The following MCCC2 variants were observed in gnomAD, a reference collection of about 807,000 sequenced individuals.
MCCC2 encodes the protein methylcrotonyl-CoA carboxylase subunit 2.
Under a neutral mutation model 77.2 loss-of-function variants are expected in MCCC2, and 52 were observed. The observed-to-expected ratio is 0.67, with a 90% CI of 0.54 to 0.85. The LOEUF (loss-of-function observed/expected upper bound fraction) is 0.85. Ranked by LOEUF, MCCC2 falls within the 40% of genes least tolerant of loss-of-function variation. The pLI, the probability that MCCC2 is intolerant of heterozygous loss-of-function variation, is 0.00. For missense variants in MCCC2, 682 were observed against 703.2 expected (o/e 0.97, Z 0.34); for synonymous variants, 253 against 248.4 (o/e 1.02, Z -0.18).
intron 1 of MCCC2, among the ~76,000 whole-genome samples, chr5:71,590,723 A>G (rs1561815616): frequency 6.6e-6 from 1 of 152,000 alleles, no homozygotes; most frequent in Admixed American, 6.6e-5. Context: ...AGTGTGAGGC[A>G]GGAGAGTCGC....
chr5:71,606,505 A>G (rs1270409658), intron 6 of MCCC2, among the ~76,000 whole-genome samples: 3 of 142,736 alleles, frequency 2.1e-5, no homozygotes, highest in Admixed American at 7.2e-5. Context: ...TAGATATACA[A>G]TCATGTCGTC....
intron 8 of MCCC2, among the ~76,000 whole-genome samples, chr5:71,633,131 A>ATATATATTTTTTTTTT (rs1554137344): frequency 1.3e-5 from 1 of 78,096 alleles, no homozygotes; most frequent in Non-Finnish European, 2.4e-5. Flanking sequence ...ATATATATAT[A>ATATATATTTTTTTTTT]TTTTTATTTT....
intron 10 of MCCC2, 32 bp from the exon 11 acceptor site, chr5:71,640,971 T>C: frequency 6.3e-7 from 1 of 1,589,132 alleles, no homozygotes; most frequent in East Asian, 2.2e-5. Context: ...TGCAATATAA[T>C]TTCTCAAGGC....
At chr5:71,600,431 A>G (rs544429735) in intron 4 of MCCC2, among the ~76,000 whole-genome samples, 1 of 146,266 alleles carries the variant, frequency 6.8e-6, no homozygotes, top group Admixed American at 6.8e-5. Flanking sequence ...CATCATTATA[A>G]TTTTTTTTTT....
At chr5:71,605,445 T>C (rs1745632483) in intron 6 of MCCC2, among the ~76,000 whole-genome samples, 1 of 152,154 alleles carries the variant, frequency 6.6e-6, no homozygotes, top group Non-Finnish European at 1.5e-5. Context: ...TTTTTTCTTG[T>C]AAATTTGAGT....
chr5:71,641,098 A>C, intron 11 of MCCC2, 23 bp downstream of exon 11: 1 of 1,597,456 alleles, frequency 6.3e-7, no homozygotes, highest in Non-Finnish European at 8.6e-7. Context: ...AGAATTGAAA[A>C]TACGAACATT....
chr5:71,591,197 T>G (rs1320443454), intron 1 of MCCC2, among the ~76,000 whole-genome samples: 1 of 152,178 alleles, frequency 6.6e-6, no homozygotes, highest in Non-Finnish European at 1.5e-5. Context: ...CAGAAGGAAC[T>G]AAATAACTAG....
chr5:71,618,853 C>G (rs142340165), intron 6 of MCCC2, among the ~76,000 whole-genome samples: 27 of 152,242 alleles, frequency 1.8e-4, no homozygotes, highest in Admixed American at 1.3e-3. Context: ...TCTCACATTA[C>G]TTTTGATTTT....
chr5:71,640,696 C>T (rs980552427), intron 10 of MCCC2, among the ~76,000 whole-genome samples: 8 of 152,164 alleles, frequency 5.3e-5, no homozygotes, highest in South Asian at 2.1e-4. Context: ...CATCCCTGAA[C>T]CTCTGCCGGT....
At position 71,658,207 on chromosome 5, in the gene MCCC2, C is replaced by G. The variant is rs149415279; in HGVS notation, c.*1347C>G. The G allele has an allele frequency of 6.6e-6, 1 of 152,132 alleles. No homozygotes were observed. 9.4% of individuals were successfully genotyped at this position (152,132 alleles called of 1,614,324 possible). A position where few individuals can be genotyped will look rare whatever the true frequency, so the allele number is the denominator to read the frequency against. ...TTATCTCTTTGACTCCTCTTTACAC[C>G]GGAGAACGGCTCCAGCTGTTCTAGC... is the stretch of plus-strand genomic sequence containing the variant. On this transcript the variant is annotated 3_prime_UTR_variant, in exon 17 of 17. Coordinates refer to ENST00000340941, the MANE Select transcript of MCCC2 (RefSeq NM_022132.5).
chr5:71,617,334 C>T (rs930855257), intron 6 of MCCC2, among the ~76,000 whole-genome samples: 4 of 152,158 alleles, frequency 2.6e-5, no homozygotes, highest in African/African-American at 7.2e-5. Flanking sequence ...TTTTCTTCCT[C>T]CTAGCTCCCA....
rs544574975 is a variant in MCCC2 at position 71,657,412 on chromosome 5, C to T, written c.*552C>T. On this transcript the variant is annotated 3_prime_UTR_variant, in exon 17 of 17. Transcript: ENST00000340941. ...GCTCCCCATTTCCCCCTCCCCCGAG[C>T]CCATGACATCTCCTTATTATTATTT... The T allele has an allele frequency of 9.8e-4, 151 of 153,808 alleles. 1 individual carries two copies. In the Middle Eastern group the frequency reaches 0.013, roughly 14 times the overall value. The allele number at this position is 153,808 out of a possible 1,614,324, so 9.5% of individuals were successfully genotyped here. A position where few individuals can be genotyped will look rare whatever the true frequency, so the allele number is the denominator to read the frequency against.
intron 4 of MCCC2, among the ~76,000 whole-genome samples, chr5:71,600,746 G>A (rs115236821): frequency 8.1e-4 from 124 of 152,336 alleles, no homozygotes; most frequent in African/African-American, 2.8e-3. Context: ...GTCTGGGCAT[G>A]GCTGTATCTG....
rs543987376 is a variant in MCCC2, at chr5:71,595,521, A to AACATTTCATTAG, written c.197-755_197-744dup. Among the ~76,000 whole-genome samples the AACATTTCATTAG allele has an allele frequency of 9.2e-5, 14 of 152,238 alleles. No homozygotes were observed. The East Asian group carries it at 2.5e-3, about 27-fold the overall frequency. On this transcript the variant is annotated intron_variant, in intron 2 of 16. Transcript: ENST00000340941. Reference sequence around the variant, plus strand: ...AAGAAATAGCTTTCTGAAATAGCTGAACATTTCATTAGACAAAGACTATAT... The same window carrying AACATTTCATTAG: ...AAGAAATAGCTTTCTGAAATAGCTGAACATTTCATTAGACATTTCATTAGACAAAGACTATAT...
chr5:71,597,632 G>A (rs1489101408), intron 3 of MCCC2, among the ~76,000 whole-genome samples: 3 of 152,128 alleles, frequency 2.0e-5, no homozygotes, highest in African/African-American at 2.4e-5. Flanking sequence ...GAGTGTAAGG[G>A]GGAGAAGAGG....
intron 6 of MCCC2, among the ~76,000 whole-genome samples, chr5:71,615,167 A>G (rs1459906425): frequency 6.6e-6 from 1 of 151,890 alleles, no homozygotes; most frequent in Non-Finnish European, 1.5e-5. Context: ...TGAGGTTTCC[A>G]TATGTTGGCC....
In MCCC2 at chr5:71,637,748, T is replaced by G. The variant is rs977788029; in HGVS notation, c.999+2502T>G. ...ACTTTGTTTTTTTTCAGACTGAGTCTCACTCTGTCACCCAGGCTGGAGTGC... is the reference window on the plus strand; with the variant it reads ...ACTTTGTTTTTTTTCAGACTGAGTCGCACTCTGTCACCCAGGCTGGAGTGC... On this transcript the variant is annotated intron_variant, in intron 10 of 16. Transcript: ENST00000340941. Among the ~76,000 whole-genome samples the G allele has an allele frequency of 1.2e-4, 18 of 152,106 alleles. No homozygotes were observed. In the East Asian group the frequency reaches 3.5e-3, roughly 29 times the overall value.
chr5:71,646,239 A>C lies in MCCC2; in HGVS notation c.1178A>C (p.Gln393Pro), dbSNP rs750782118. The change falls in exon 13 of 17, where the codon CAA becomes CCA. Residue 393 changes from glutamine (Q) to proline (P), a missense_variant. Transcript: ENST00000340941. ...ACTCACTTTGTCCAGTTATGCTGCC[A>C]AAGAAATATTCCTCTGCTGTTCCTT... ...KGTHFVQLCC[Q>P]RNIPLLFLQN... 3.1e-6 allele frequency: 5 copies of C among 1,613,798 alleles called. No homozygotes were observed. In the African/African-American group the frequency reaches 5.3e-5, roughly 17 times the overall value.
chr5:71,645,651 T>C (rs967760233), intron 12 of MCCC2, among the ~76,000 whole-genome samples: 8 of 152,218 alleles, frequency 5.3e-5, no homozygotes, highest in South Asian at 4.1e-4. Context: ...AATTATCATA[T>C]AGCAGAGTTC....
Sources: allele counts gnomAD v4.1 joint callset (sites outside exome capture counted in the v4.1 genomes callset), GRCh38; gene constraint gnomAD v4.1.1; transcripts MANE v1.5; gene names NCBI Gene and HGNC (gene_info 2026-07-23, HGNC 2026-07-21).